Variants in ROPN1L observed in about 807,000 individuals in gnomAD.
ROPN1L encodes the protein ropporin-1-like protein.
A neutral mutation model predicts 22.7 loss-of-function variants in ROPN1L; 23 were observed. The ratio of observed to expected loss-of-function variants is 1.01; its 90% CI spans 0.73 to 1.43. The LOEUF is 1.43. ROPN1L is among the 40% of genes most tolerant of loss of function. The probability of loss-of-function intolerance (pLI) is 0.00; values close to 1 mark genes in which losing one functional copy is unlikely to be tolerated. For missense variants in ROPN1L, 271 were observed against 291.5 expected (o/e 0.93, Z 0.51); for synonymous variants, 116 against 117.8 (o/e 0.98, Z 0.10).
At chr5:10,460,435 C>G (rs1377448087) in intron 3 of ROPN1L, among the ~76,000 whole-genome samples, 2 of 152,232 alleles carry the variant, frequency 1.3e-5, no homozygotes, top group African/African-American at 4.8e-5. Flanking sequence ...CCCCCCACCC[C>G]CGCAGGGACT....
chr5:10,457,751 G>A (rs1324729913), intron 3 of ROPN1L, among the ~76,000 whole-genome samples: 1 of 152,192 alleles, frequency 6.6e-6, no homozygotes, highest in Non-Finnish European at 1.5e-5. Flanking sequence ...CCACTGTGGA[G>A]CTGGACAGTC....
chr5:10,461,143 G>A, intron 3 of ROPN1L, 41 bp from the exon 4 acceptor site: 1 of 1,576,268 alleles, frequency 6.3e-7, no homozygotes, highest in Non-Finnish European at 8.7e-7. Context: ...GTGATGCCAG[G>A]AGTAACTGTT....
chr5:10,465,136 A>T (rs894923788), downstream of ROPN1L: 1 of 412,220 alleles, frequency 2.4e-6, no homozygotes, highest in Non-Finnish European at 4.4e-6. Context: ...TAAGTGTAAG[A>T]AGTTGATAAC....
Position 10,442,027 on chromosome 5 carries a change from C to T in ROPN1L, c.-141C>T. 8.1e-7 allele frequency: 1 copy of T among 1,229,808 alleles called. No individual in the cohort carries two copies. Among genetic ancestry groups the T allele is most frequent in the Non-Finnish European group, 1.1e-6 (1 of 884,708 alleles). 76.2% of individuals were successfully genotyped at this position (1,229,808 alleles called of 1,614,324 possible). A position where few individuals can be genotyped will look rare whatever the true frequency, so the allele number is the denominator to read the frequency against. On this transcript the variant is annotated 5_prime_UTR_variant, in exon 1 of 5. Transcript: ENST00000274134. ...GGGTAAGAGCCCCGCGAATCCGGCC[C>T]CAACCTCGGGAACGGGATGGGAGGC...
At chr5:10,478,600 G>T in the ROPN1L span, among the ~76,000 whole-genome samples, 2 of 152,202 alleles carry the variant, frequency 1.3e-5, no homozygotes, top group African/African-American at 4.8e-5. Flanking sequence ...TTCTCTGTGC[G>T]TACGACTGTG....
At position 10,442,096 on chromosome 5, in the gene ROPN1L, C is replaced by G. The variant is rs1371372231; in HGVS notation, c.-72C>G. On this transcript the variant is annotated 5_prime_UTR_variant, in exon 1 of 5. Coordinates refer to ENST00000274134, the MANE Select transcript of ROPN1L (RefSeq NM_031916.5). ...CGCGCTGCTAGCGGGTCCACCGCGT[C>G]GTAGCCGACAGCCGCCCTTCTTCCT... 1 of 1,560,874 alleles carries G rather than the reference C, an allele frequency of 6.4e-7. No homozygotes were observed. The highest frequency in any genetic ancestry group is 8.7e-7 in the Non-Finnish European group (1 of 1,145,526).
downstream of ROPN1L, among the ~76,000 whole-genome samples, chr5:10,468,971 C>T (rs180991310): frequency 6.0e-3 from 909 of 151,572 alleles, 15 homozygotes; most frequent in African/African-American, 0.021. Flanking sequence ...CTGGCTAACA[C>T]GGTGAAACCC....
chr5:10,465,135 G>A (rs1446541280), downstream of ROPN1L: 5 of 412,116 alleles, frequency 1.2e-5, no homozygotes, highest in African/African-American at 1.0e-4. Flanking sequence ...TTAAGTGTAA[G>A]AAGTTGATAA....
At chr5:10,472,842 AAG>A (rs531168269), downstream of ROPN1L, among the ~76,000 whole-genome samples, 440 of 152,312 alleles carry the variant, frequency 2.9e-3, 9 homozygotes, top group Non-Finnish European at 1.3e-3. Context: ...GGTGAAGAGA[AAG>A]AGAGATTAAT....
Position 10,464,845 on chromosome 5 carries a change from T to C in ROPN1L, c.594-3T>C. The C allele has an allele frequency of 6.4e-7, 1 of 1,568,160 alleles. No homozygotes were observed. Among genetic ancestry groups the C allele is most frequent in the East Asian group, 2.3e-5 (1 of 44,382 alleles). ...TAAATATCTTTATCTGTTTCCAATT[T>C]AGAGACGCCAGGAAGAACGGCATGA... On this transcript the variant is annotated splice_polypyrimidine_tract_variant and splice_region_variant and intron_variant, in intron 4 of 4. Transcript: ENST00000274134.
At chr5:10,474,270 G>A (rs982148132), downstream of ROPN1L, among the ~76,000 whole-genome samples, 2 of 151,996 alleles carry the variant, frequency 1.3e-5, no homozygotes, top group African/African-American at 4.8e-5. Context: ...TGGCAGACAC[G>A]CCCCATTGAA....
intron 3 of ROPN1L, among the ~76,000 whole-genome samples, chr5:10,457,496 C>G (rs1734856486): frequency 6.6e-6 from 1 of 152,340 alleles, no homozygotes; most frequent in Non-Finnish European, 1.5e-5. Context: ...TGCTCCAGTC[C>G]TGGCTGGGTG....
intron 1 of ROPN1L, among the ~76,000 whole-genome samples, chr5:10,446,002 T>A (rs904513): frequency 0.94 from 142,909 of 152,328 alleles, 67,464 homozygotes; most frequent in East Asian, 1. Flanking sequence ...TTTTCAAAGG[T>A]GCTTTTCAGG....
chr5:10,464,945 T>C lies in ROPN1L; in HGVS notation c.691T>C (p.Ter231GlnextTer11). Residue 231 changes from the stop codon to glutamine (Q), a stop_lost, in exon 5 of 5, where the codon TAA becomes CAA. Transcript: ENST00000274134. ...TGAAAACTCTGAAGATGTAGGCCAT[T>C]AATACAGAGAAGAATACATTTTAAT... is the stretch of plus-strand genomic sequence containing the variant. ...SIENSEDVGH[*>Q] 1 of 1,548,904 alleles carries C rather than the reference T, an allele frequency of 6.5e-7. No individual in the cohort carries two copies. Among genetic ancestry groups the C allele is most frequent in the Middle Eastern group, 1.7e-4 (1 of 5,848 alleles).
At chr5:10,477,655 C>T in the ROPN1L span, among the ~76,000 whole-genome samples, 21 of 152,336 alleles carry the variant, frequency 1.4e-4, no homozygotes, top group African/African-American at 5.1e-4. Context: ...TAAGGCCAGG[C>T]ACAGTGGCTC....
chr5:10,458,518 A>T (rs1178312660), intron 3 of ROPN1L, among the ~76,000 whole-genome samples: 5 of 62,022 alleles, frequency 8.1e-5, no homozygotes, highest in Non-Finnish European at 1.2e-4. Context: ...CATGTACACC[A>T]TCCCCCTCAT....
At chr5:10,479,108 C>T in the ROPN1L span, among the ~76,000 whole-genome samples, 690 of 151,758 alleles carry the variant, frequency 4.5e-3, 3 homozygotes, top group African/African-American at 0.016. Flanking sequence ...ATTATGGTAA[C>T]GTGTGTGAGT....
chr5:10,469,736 G>A (rs1204315704), downstream of ROPN1L, among the ~76,000 whole-genome samples: 1 of 152,144 alleles, frequency 6.6e-6, no homozygotes, highest in Non-Finnish European at 1.5e-5. Flanking sequence ...TTATTTGTTG[G>A]CTTCTGTATT....
chr5:10,446,467 T>C (rs1427851543), intron 1 of ROPN1L, among the ~76,000 whole-genome samples: 4 of 152,092 alleles, frequency 2.6e-5, no homozygotes, highest in African/African-American at 9.7e-5. Flanking sequence ...GAGACCACCC[T>C]GGGGGCAACA....
Sources: allele counts gnomAD v4.1 joint callset (sites outside exome capture counted in the v4.1 genomes callset), GRCh38; gene constraint gnomAD v4.1.1; transcripts MANE v1.5; gene names NCBI Gene and HGNC (gene_info 2026-07-23, HGNC 2026-07-21).